FGD5: variants seen among roughly 807,000 people sequenced by gnomAD.
The protein encoded by FGD5 is FYVE, RhoGEF and PH domain-containing protein 5.
FGD5 carries 28 observed loss-of-function variants against 133.4 expected under a neutral mutation model. That is an observed-to-expected ratio of 0.21 (90% CI 0.16 to 0.29). The LOEUF is 0.29. Ranked by LOEUF, FGD5 falls within the 10% of genes least tolerant of loss-of-function variation. The pLI, the probability that FGD5 is intolerant of heterozygous loss-of-function variation, is 1.00. For missense variants in FGD5, 1,858 were observed against 1,895.2 expected (o/e 0.98, Z 0.36); for synonymous variants, 810 against 776.5 (o/e 1.04, Z -0.72).
At chr3:14,897,713 G>A (rs1355655739) in intron 5 of FGD5, 44 bp downstream of exon 5, 4 of 1,547,852 alleles carry the variant, frequency 2.6e-6, no homozygotes, top group Non-Finnish European at 3.5e-6. Flanking sequence ...TGTTGCACTG[G>A]GGGAATGGAG....
chr3:14,890,167 CA>C (rs1282481495), intron 4 of FGD5, among the ~76,000 whole-genome samples: 1 of 152,184 alleles, frequency 6.6e-6, no homozygotes, highest in Non-Finnish European at 1.5e-5. Flanking sequence ...AGGACCTTTG[CA>C]CCTGGCATCC....
chr3:14,905,504 C>A (rs905648673), intron 9 of FGD5, among the ~76,000 whole-genome samples: 5 of 152,174 alleles, frequency 3.3e-5, no homozygotes, highest in Non-Finnish European at 5.9e-5. Flanking sequence ...GGATCATCTC[C>A]ACTGATCTGT....
chr3:14,906,531 G>C (rs71308114), intron 9 of FGD5, among the ~76,000 whole-genome samples: 23 of 152,350 alleles, frequency 1.5e-4, no homozygotes, highest in Non-Finnish European at 2.5e-4. Flanking sequence ...GAGGAAGTGG[G>C]CAGGGCTTTG....
rs1200802049 is a variant in FGD5 at position 14,819,878 on chromosome 3, A to T, written c.807A>T (p.Thr269=). 1.9e-6 allele frequency: 3 copies of T among 1,613,598 alleles called. No homozygotes were observed. The highest frequency in any genetic ancestry group is 1.3e-5 in the African/African-American group (1 of 74,908). ...GGGTCCAGGAGGCAGAGACAGCCAC[A>T]GACTGCCCTGAAGTTCTTGAGGAGG... ...LAGVQEAETA[T]DCPEVLEEGC... Residue 269 remains threonine (T), a synonymous_variant, in exon 1 of 20, where the codon ACA becomes ACT. Transcript: ENST00000285046. This position sits in a 1 kb window ranked among gnomAD's most constrained non-coding sequence, Gnocchi z 4.1.
rs796858678 is a variant in FGD5 at position 14,922,762 on chromosome 3, C to T, written c.3807+214C>T. On this transcript the variant is annotated intron_variant, in intron 15 of 19. Transcript: ENST00000285046. The surrounding 1 kb of genome is among the most constrained non-coding windows in gnomAD (Gnocchi z 4.1). ...GTCCCAGGCCTCTTCCACACCACCA[C>T]GTTTTCAACAGAAAACCGTAGCATA... Among the ~76,000 whole-genome samples the T allele has an allele frequency of 7.2e-5, 11 of 152,272 alleles. No individual in the cohort carries two copies. The highest frequency in any genetic ancestry group is 6.2e-4 in the South Asian group (3 of 4,818).
chr3:14,922,516 C>G lies in FGD5; in HGVS notation c.3775C>G (p.Leu1259Val). 2 of 1,582,986 alleles carry G rather than the reference C, an allele frequency of 1.3e-6. No homozygotes were observed. Among genetic ancestry groups the G allele is most frequent in the Non-Finnish European group, 8.6e-7 (1 of 1,164,636 alleles). ...CTGCGGCTGCGACTTCTCCCTCACC[C>G]TGCGGCGTCATCACTGTCACGCCTG... ...MNCGCDFSLT[L>V]RRHHCHACGK... The change falls in exon 15 of 20, where the codon CTG becomes GTG. Residue 1259 changes from leucine (L) to valine (V), a missense_variant. This residue lies in a region of FGD5 where 1,824 missense variants were observed against 1,848.9 expected (regional missense o/e 0.99). Coordinates refer to ENST00000285046, the MANE Select transcript of FGD5 (RefSeq NM_152536.4). The surrounding 1 kb of genome is among the most constrained non-coding windows in gnomAD (Gnocchi z 4.1).
intron 1 of FGD5, among the ~76,000 whole-genome samples, chr3:14,861,663 C>G (rs1277661869): frequency 6.6e-6 from 1 of 152,196 alleles, no homozygotes; most frequent in Non-Finnish European, 1.5e-5. Context: ...ATGGCTCTGA[C>G]TCATGGAAAC....
At chr3:14,882,002 G>GC (rs1183262210) in intron 4 of FGD5, among the ~76,000 whole-genome samples, 1 of 152,180 alleles carries the variant, frequency 6.6e-6, no homozygotes, top group African/African-American at 2.4e-5. Context: ...GCTGATAGCA[G>GC]CCAGGACCCC....
At position 14,934,069 on chromosome 3, in the gene FGD5, T is replaced by C. The variant is rs1049001714; in HGVS notation, c.*902T>C. 1 of 152,260 alleles carries C rather than the reference T, an allele frequency of 6.6e-6. No homozygotes were observed. Among genetic ancestry groups the C allele is most frequent in the Non-Finnish European group, 1.5e-5 (1 of 68,054 alleles). The allele number at this position is 152,260 out of a possible 1,614,324, so 9.4% of individuals were successfully genotyped here. On this transcript the variant is annotated 3_prime_UTR_variant, in exon 20 of 20. Coordinates refer to ENST00000285046, the MANE Select transcript of FGD5 (RefSeq NM_152536.4). Reference sequence around the variant, plus strand: ...CCTCACTCAAGCTGACAACATTGTTTATGGGAATCTATCCTTCTTTTAGAC... The same window carrying C: ...CCTCACTCAAGCTGACAACATTGTTCATGGGAATCTATCCTTCTTTTAGAC...
chr3:14,830,965 T>G (rs567750450), intron 1 of FGD5, among the ~76,000 whole-genome samples: 3 of 152,114 alleles, frequency 2.0e-5, no homozygotes, highest in African/African-American at 7.2e-5. Flanking sequence ...AAAAGAAGAA[T>G]AAAAAAATCA....
intron 4 of FGD5, among the ~76,000 whole-genome samples, chr3:14,888,195 A>T (rs2037960316): frequency 6.6e-6 from 1 of 151,686 alleles, no homozygotes; most frequent in African/African-American, 2.4e-5. Flanking sequence ...AGATGCTCAG[A>T]TTCCGCCCTC....
intron 8 of FGD5, 106 bp downstream of exon 8, chr3:14,900,559 C>G: frequency 7.5e-7 from 1 of 1,328,852 alleles, no homozygotes; most frequent in South Asian, 1.3e-5. Context: ...TAGTCCCCTC[C>G]CCACCAGCTG....
At chr3:14,912,868 C>T (rs925140657) in intron 11 of FGD5, among the ~76,000 whole-genome samples, 1 of 152,096 alleles carries the variant, frequency 6.6e-6, no homozygotes. Flanking sequence ...AACCCCATCT[C>T]TACTAAAAAT....
chr3:14,854,547 C>G (rs1402323017), intron 1 of FGD5, among the ~76,000 whole-genome samples: 1 of 151,974 alleles, frequency 6.6e-6, no homozygotes, highest in Non-Finnish European at 1.5e-5. Context: ...TCCCAAGTAG[C>G]TAGGACTACA....
chr3:14,840,943 C>T (rs1229389435), intron 1 of FGD5, among the ~76,000 whole-genome samples: 1 of 152,200 alleles, frequency 6.6e-6, no homozygotes, highest in Non-Finnish European at 1.5e-5. Flanking sequence ...AAGTTACTCT[C>T]AGCCAGGCGG....
upstream of FGD5, among the ~76,000 whole-genome samples, chr3:14,815,681 G>A (rs957731755): frequency 1.3e-5 from 2 of 152,178 alleles, no homozygotes; most frequent in South Asian, 4.1e-4. Context: ...TAACTGCCCA[G>A]CTGTTTCTGG....
intron 17 of FGD5, among the ~76,000 whole-genome samples, chr3:14,925,821 C>T (rs531618360): frequency 1.5e-4 from 23 of 152,312 alleles, no homozygotes; most frequent in African/African-American, 4.8e-4. Flanking sequence ...AACCAAGAAT[C>T]TGAAAAACCA....
intron 4 of FGD5, among the ~76,000 whole-genome samples, chr3:14,886,745 C>G (rs1322461846): frequency 6.6e-6 from 1 of 152,210 alleles, no homozygotes; most frequent in Non-Finnish European, 1.5e-5. Flanking sequence ...ACAATACTTT[C>G]TATTAATAAT....
chr3:14,899,670 G>A (rs924686324), intron 7 of FGD5, among the ~76,000 whole-genome samples: 7 of 152,168 alleles, frequency 4.6e-5, no homozygotes, highest in African/African-American at 1.2e-4. Flanking sequence ...GCAGTAAATC[G>A]AACAGCAAAC....
Sources: gnomAD v4.1 joint callset for allele counts (sites outside exome capture counted in the v4.1 genomes callset) on GRCh38, gnomAD v4.1.1 for gene constraint, gnomAD v4.1.1 regional missense constraint, Gnocchi (gnomAD v3.1) non-coding constraint, MANE v1.5 for transcripts, NCBI Gene and HGNC (gene_info 2026-07-23, HGNC 2026-07-21) for gene names.